Variants in BMP5 observed in about 807,000 individuals in gnomAD.
BMP5 encodes the protein bone morphogenetic protein 5.
BMP5 carries 23 observed loss-of-function variants against 46.6 expected under a neutral mutation model. That is an observed-to-expected ratio of 0.49 (90% CI 0.35 to 0.70). The LOEUF (loss-of-function observed/expected upper bound fraction) is 0.70, where lower values mean the gene tolerates loss of function less well. Among genes scored for constraint, BMP5 ranks in the 30% least tolerant of loss-of-function variants. The probability of loss-of-function intolerance (pLI) is 0.00; values close to 1 mark genes in which losing one functional copy is unlikely to be tolerated. For missense variants in BMP5, 545 were observed against 565.6 expected, an observed-to-expected ratio of 0.96 and a Z score of 0.37; for synonymous variants, 204 against 191.9, an observed-to-expected ratio of 1.06 and a Z score of -0.52.
chr6:55,794,888 AT>A lies in BMP5; in HGVS notation c.684-462del, dbSNP rs529812985. 1.3e-3 allele frequency among the ~76,000 whole-genome samples: 191 copies of A among 152,150 alleles called. 1 individual carries two copies. Among genetic ancestry groups the A allele is most frequent in the Non-Finnish European group, 2.4e-3 (165 of 67,974 alleles). On this transcript the variant is annotated intron_variant, in intron 2 of 6. Coordinates refer to ENST00000370830, the MANE Select transcript of BMP5 (RefSeq NM_021073.4). Reference sequence around the variant, plus strand: ...TCTGTTTTAGAAGGAGTTTTCTAATATTTTTTCTATTTTTATTATATAATTA... The same window carrying A: ...TCTGTTTTAGAAGGAGTTTTCTAATATTTTTCTATTTTTATTATATAATTA...
At chr6:55,822,713 C>T (rs1776438243) in intron 1 of BMP5, among the ~76,000 whole-genome samples, 2 of 152,050 alleles carry the variant, frequency 1.3e-5, no homozygotes, top group South Asian at 4.1e-4. Context: ...ATGTAATCTA[C>T]CGTTCTGGAA....
At chr6:55,783,299 A>T (rs1169114358) in intron 3 of BMP5, among the ~76,000 whole-genome samples, 1 of 152,104 alleles carries the variant, frequency 6.6e-6, no homozygotes, top group African/African-American at 2.4e-5. Flanking sequence ...TCAAAGTAGT[A>T]TTAGTCTAAT....
chr6:55,771,941 T>C (rs1000796127), intron 4 of BMP5, among the ~76,000 whole-genome samples: 4 of 151,926 alleles, frequency 2.6e-5, no homozygotes, highest in African/African-American at 9.7e-5. Flanking sequence ...ATTTTCTGTT[T>C]ATATTAGCAT....
chr6:55,783,038 G>A (rs1297107543), intron 3 of BMP5, among the ~76,000 whole-genome samples: 1 of 152,090 alleles, frequency 6.6e-6, no homozygotes, highest in East Asian at 1.9e-4. Context: ...AGGAAAAATA[G>A]CCTGTCAGTG....
chr6:55,787,745 A>G (rs547423786), intron 3 of BMP5, among the ~76,000 whole-genome samples: 30 of 151,834 alleles, frequency 2.0e-4, no homozygotes, highest in African/African-American at 7.2e-4. Context: ...AAAATTACCC[A>G]CTTTCAAGAT....
rs10555940 is a variant in BMP5 at position 55,773,495 on chromosome 6, C to CTGTG, written c.1027+550_1027+553dup. ...GCATTCGTAATATTTTGTTGAAAGA[C>CTGTG]TGTGTGTGTGTGTGTGTGTGTGTGT... On this transcript the variant is annotated intron_variant, in intron 4 of 6. Coordinates refer to ENST00000370830, the MANE Select transcript of BMP5 (RefSeq NM_021073.4). 7.6e-4 allele frequency among the ~76,000 whole-genome samples: 112 copies of CTGTG among 148,292 alleles called. 1 individual carries two copies. Among genetic ancestry groups the CTGTG allele is most frequent in the Middle Eastern group, 3.5e-3 (1 of 284 alleles).
intron 6 of BMP5, among the ~76,000 whole-genome samples, chr6:55,758,140 C>T (rs1774661743): frequency 6.6e-6 from 1 of 151,930 alleles, no homozygotes; most frequent in Non-Finnish European, 1.5e-5. Flanking sequence ...TAATTCCACT[C>T]CCATCAAGCC....
intron 2 of BMP5, among the ~76,000 whole-genome samples, chr6:55,816,772 A>G (rs1259380246): frequency 6.6e-6 from 1 of 152,120 alleles, no homozygotes; most frequent in African/African-American, 2.4e-5. Flanking sequence ...AATTTTGAGG[A>G]AGACTAGTTA....
intron 1 of BMP5, among the ~76,000 whole-genome samples, chr6:55,853,070 C>A (rs945215010): frequency 4.0e-5 from 6 of 151,462 alleles, no homozygotes; most frequent in Non-Finnish European, 7.4e-5. Flanking sequence ...GCGGAGATTG[C>A]AGTGAGCCGA....
chr6:55,834,589 A>G (rs1182569553), intron 1 of BMP5, among the ~76,000 whole-genome samples: 5 of 152,162 alleles, frequency 3.3e-5, no homozygotes, highest in Non-Finnish European at 7.3e-5. Flanking sequence ...AAATTTAACT[A>G]TCATTTTATT....
At chr6:55,798,804 G>T (rs115597589) in intron 2 of BMP5, among the ~76,000 whole-genome samples, 1,674 of 152,144 alleles carry the variant, frequency 0.011, 10 homozygotes, top group Non-Finnish European at 0.018. Flanking sequence ...ATGGGCTATT[G>T]GTATGTTTGT....
chr6:55,838,450 A>C lies in BMP5; in HGVS notation c.491-18603T>G, dbSNP rs192072050. On this transcript the variant is annotated intron_variant, in intron 1 of 6. Transcript: ENST00000370830. ...GCCATTTGTATGTCTTCTTTTGAGA[A>C]ATATCTATCCAAATCCTTTGCCTAT... Among the ~76,000 whole-genome samples the C allele has an allele frequency of 2.6e-3, 400 of 152,298 alleles. 4 individuals are homozygous for C. Among genetic ancestry groups the C allele is most frequent in the African/African-American group, 9.3e-3 (388 of 41,566 alleles).
At chr6:55,815,068 G>C (rs1776223408) in intron 2 of BMP5, among the ~76,000 whole-genome samples, 1 of 150,622 alleles carries the variant, frequency 6.6e-6, no homozygotes, top group African/African-American at 2.5e-5. Context: ...TGAAGGCAGA[G>C]GTTGCAGTGG....
intron 1 of BMP5, among the ~76,000 whole-genome samples, chr6:55,849,182 G>T (rs1041208962): frequency 6.6e-6 from 1 of 151,970 alleles, no homozygotes; most frequent in Non-Finnish European, 1.5e-5. Context: ...GTGGTCTGGG[G>T]CTATAGGAGT....
chr6:55,873,163 A>G (rs1350300328), intron 1 of BMP5, among the ~76,000 whole-genome samples: 1 of 151,956 alleles, frequency 6.6e-6, no homozygotes, highest in East Asian at 1.9e-4. Flanking sequence ...AACATATATT[A>G]TAAAAGCATC....
intron 1 of BMP5, among the ~76,000 whole-genome samples, chr6:55,846,888 T>C (rs1777109862): frequency 6.6e-6 from 1 of 151,622 alleles, no homozygotes; most frequent in Non-Finnish European, 1.5e-5. Context: ...TGATATTTTA[T>C]AATCATATGT....
At chr6:55,836,852 A>G (rs953388495) in intron 1 of BMP5, among the ~76,000 whole-genome samples, 20 of 152,170 alleles carry the variant, frequency 1.3e-4, no homozygotes, top group African/African-American at 4.3e-4. Flanking sequence ...GTTGTTTCAC[A>G]CTAAAATCTA....
chr6:55,804,307 TG>T (rs1199063003), intron 2 of BMP5, among the ~76,000 whole-genome samples: 3 of 152,064 alleles, frequency 2.0e-5, no homozygotes, highest in Non-Finnish European at 4.4e-5. Context: ...CACATGAAGA[TG>T]GAAGAGGAGA....
intron 4 of BMP5, among the ~76,000 whole-genome samples, chr6:55,766,375 C>T (rs941374254): frequency 1.3e-5 from 2 of 151,964 alleles, no homozygotes; most frequent in African/African-American, 4.8e-5. Flanking sequence ...ATTTGGTCAG[C>T]CTCATCCTAC....
Sources: gnomAD v4.1 joint callset for allele counts (sites outside exome capture counted in the v4.1 genomes callset) on GRCh38, gnomAD v4.1.1 for gene constraint, MANE v1.5 for transcripts, NCBI Gene and HGNC (gene_info 2026-07-23, HGNC 2026-07-21) for gene names.